The following TRIM9 variants were observed in gnomAD, a reference collection of about 807,000 sequenced individuals.
The protein encoded by TRIM9 is tripartite motif containing 9.
Under a neutral mutation model 78.3 loss-of-function variants are expected in TRIM9, and 26 were observed. That is an observed-to-expected ratio of 0.33 (90% CI 0.24 to 0.46). The LOEUF (loss-of-function observed/expected upper bound fraction) is 0.46, where lower values mean the gene tolerates loss of function less well. Ranked by LOEUF, TRIM9 falls within the 20% of genes least tolerant of loss-of-function variation. The pLI is 1.00. For synonymous variants in TRIM9, 398 were observed against 416.5 expected, an observed-to-expected ratio of 0.96 and a Z score of 0.54; for missense variants, 787 against 1,036.4, an observed-to-expected ratio of 0.76 and a Z score of 3.30.
intron 7 of TRIM9, chr14:50,996,450 G>A: frequency 8.1e-6 from 8 of 985,462 alleles, no homozygotes; most frequent in Non-Finnish European, 9.6e-6. Flanking sequence ...GCTAATAACT[G>A]ATTTTTACCA....
At chr14:50,983,223 T>C (rs2139320798) in intron 9 of TRIM9, among the ~76,000 whole-genome samples, 157 bp downstream of exon 9, 1 of 152,348 alleles carries the variant, frequency 6.6e-6, no homozygotes, top group South Asian at 2.1e-4. Flanking sequence ...CAGGCATCTT[T>C]TCCATTTTTT....
intron 4 of TRIM9, 80 bp from the exon 5 acceptor site, chr14:51,009,313 A>T: frequency 6.4e-7 from 1 of 1,555,368 alleles, no homozygotes; most frequent in South Asian, 1.2e-5. Flanking sequence ...GCTCTCCAGG[A>T]GCATTACTCC....
chr14:50,982,212 A>G, intron 10 of TRIM9, 109 bp from the exon 11 acceptor site: 1 of 1,361,224 alleles, frequency 7.3e-7, no homozygotes, highest in Non-Finnish European at 1.0e-6. Flanking sequence ...TCATGCTGCC[A>G]TGCAGGAAGG....
chr14:50,997,431 T>G (rs932585825), intron 7 of TRIM9: 4 of 985,416 alleles, frequency 4.1e-6, no homozygotes, highest in Non-Finnish European at 3.6e-6. Flanking sequence ...AAGTTGCTGG[T>G]CTCTTCCTGT....
intron 7 of TRIM9, among the ~76,000 whole-genome samples, chr14:50,992,067 T>C (rs10142831): frequency 0.84 from 127,319 of 152,208 alleles, 53,473 homozygotes; most frequent in South Asian, 0.89. Flanking sequence ...CTTTTCTTCT[T>C]TAAATAGAGT....
At chr14:51,001,156 A>G (rs2054940972) in intron 5 of TRIM9, among the ~76,000 whole-genome samples, 2 of 152,078 alleles carry the variant, frequency 1.3e-5, no homozygotes, top group South Asian at 4.1e-4. Flanking sequence ...AATGTTTTAC[A>G]TGGAGGCTGG....
intron 6 of TRIM9, 69 bp from the exon 7 acceptor site, chr14:50,998,257 G>T (rs142667819): frequency 2.7e-6 from 4 of 1,492,224 alleles, no homozygotes; most frequent in Non-Finnish European, 3.7e-6. Flanking sequence ...AGGCAGTGTC[G>T]CTCAGTGGTT....
intron 1 of TRIM9, among the ~76,000 whole-genome samples, chr14:51,055,475 G>A (rs1290677973): frequency 6.6e-6 from 1 of 152,210 alleles, no homozygotes; most frequent in Non-Finnish European, 1.5e-5. Flanking sequence ...TAAACACAGA[G>A]ACTATCAAAA....
intron 5 of TRIM9, among the ~76,000 whole-genome samples, chr14:51,005,231 T>C (rs771532554): frequency 1.3e-5 from 2 of 152,110 alleles, no homozygotes; most frequent in Non-Finnish European, 2.9e-5. Context: ...CCCCCTATGA[T>C]TTATAGGGGA....
At position 50,997,900 on chromosome 14, in the gene TRIM9, A is replaced by T. The variant is rs2054429307; in HGVS notation, c.1603+150T>A. ...CACATACCATAGGCTCTCTAAAGGC[A>T]GGAGAGGAACAGCGGCTCTGTGCAG... On this transcript the variant is annotated intron_variant, in intron 7 of 12. Coordinates refer to ENST00000684578, the MANE Select transcript of TRIM9 (RefSeq NM_001387360.1). 3.4e-6 allele frequency: 5 copies of T among 1,471,652 alleles called. No individual in the cohort carries two copies. The South Asian group carries it at 5.6e-5, about 17-fold the overall frequency. The allele number at this position is 1,471,652 out of a possible 1,614,324, so 91.2% of individuals were successfully genotyped here. A position where few individuals can be genotyped will look rare whatever the true frequency, so the allele number is the denominator to read the frequency against.
rs531445907 is a variant in TRIM9, at chr14:51,094,014, C to T, written c.822+104G>A. On this transcript the variant is annotated intron_variant, in intron 1 of 12. Transcript: ENST00000684578. Reference sequence around the variant, plus strand: ...GTAAACATCGAAGGCACCTGCATTGCGCCCCCACTGGGATGCGCTGTGCGC... The same window carrying T: ...GTAAACATCGAAGGCACCTGCATTGTGCCCCCACTGGGATGCGCTGTGCGC... The T allele has an allele frequency of 1.3e-3, 1,585 of 1,182,438 alleles. 3 individuals are homozygous for T. The highest frequency in any genetic ancestry group is 1.8e-3 in the Non-Finnish European group (1,462 of 829,244). 73.2% of individuals were successfully genotyped at this position (1,182,438 alleles called of 1,614,324 possible).
At chr14:51,029,294 A>T (rs1344360033) in intron 1 of TRIM9, among the ~76,000 whole-genome samples, 1 of 152,156 alleles carries the variant, frequency 6.6e-6, no homozygotes, top group African/African-American at 2.4e-5. Context: ...GGAGGCGGCA[A>T]ACAAGCACTG....
chr14:51,086,985 TA>T (rs1196176003), intron 1 of TRIM9, among the ~76,000 whole-genome samples: 2 of 151,696 alleles, frequency 1.3e-5, no homozygotes, highest in East Asian at 3.9e-4. Flanking sequence ...AGTTATTTAA[TA>T]AAAAAGTGTC....
At chr14:51,013,516 T>A (rs2056823488) in intron 3 of TRIM9, among the ~76,000 whole-genome samples, 2 of 152,230 alleles carry the variant, frequency 1.3e-5, no homozygotes, top group African/African-American at 2.4e-5. Flanking sequence ...TCGCCCAATT[T>A]TCTGATAGAT....
chr14:50,996,540 T>C, intron 7 of TRIM9: 19 of 985,448 alleles, frequency 1.9e-5, no homozygotes, highest in Non-Finnish European at 2.3e-5. Flanking sequence ...GCAACATTGC[T>C]ACAAATTTCT....
rs924007838 is a variant in TRIM9 at position 50,978,941 on chromosome 14, A to G, written c.2325+446T>C. 5 of 1,061,878 alleles carry G rather than the reference A, an allele frequency of 4.7e-6. No homozygotes were observed. The African/African-American group carries it at 8.3e-5, about 18-fold the overall frequency. The allele number at this position is 1,061,878 out of a possible 1,614,324, so 65.8% of individuals were successfully genotyped here. On this transcript the variant is annotated intron_variant, in intron 12 of 12. Transcript: ENST00000684578. ...TGTTTTCTACCCCTTAGGACCTAAC[A>G]GAGCCAAACAAGAGTGCAGAGAAGA...
chr14:50,997,209 C>G (rs779250823), intron 7 of TRIM9: 16 of 985,394 alleles, frequency 1.6e-5, no homozygotes, highest in Non-Finnish European at 1.9e-5. Context: ...CTTGCTTACT[C>G]TTAAAATGAA....
intron 10 of TRIM9, 95 bp from the exon 11 acceptor site, chr14:50,982,198 G>A (rs1208800867): frequency 1.2e-5 from 17 of 1,436,546 alleles, no homozygotes; most frequent in South Asian, 5.3e-5. Context: ...GTTGTGTAGC[G>A]TTTTCATGCT....
intron 7 of TRIM9, among the ~76,000 whole-genome samples, chr14:50,991,786 T>C (rs552634056): frequency 2.4e-4 from 37 of 152,216 alleles, no homozygotes; most frequent in South Asian, 4.1e-4. Context: ...AGTCCATGGT[T>C]TTAGAGATGA....
Sources: allele counts gnomAD v4.1 joint callset (sites outside exome capture counted in the v4.1 genomes callset), GRCh38; gene constraint gnomAD v4.1.1; transcripts MANE v1.5; gene names NCBI Gene and HGNC (gene_info 2026-07-23, HGNC 2026-07-21).